Variants in SDK1 observed in about 807,000 individuals in gnomAD.
SDK1 encodes protein sidekick-1.
A neutral mutation model predicts 245.5 loss-of-function variants in SDK1; 157 were observed. That is an observed-to-expected ratio of 0.64 (90% CI 0.56 to 0.73). The LOEUF (loss-of-function observed/expected upper bound fraction) is 0.73. Ranked by LOEUF, SDK1 falls within the 30% of genes least tolerant of loss-of-function variation. The pLI is 0.00. For synonymous variants in SDK1, 1,647 were observed against 1,278.5 expected (o/e 1.29, Z -6.15); for missense variants, 3,583 against 3,002.3 (o/e 1.19, Z -4.52).
chr7:3,883,572 G>A (rs1053775956), intron 5 of SDK1, among the ~76,000 whole-genome samples: 6 of 152,160 alleles, frequency 3.9e-5, no homozygotes, highest in African/African-American at 1.4e-4. Flanking sequence ...AGAAGACTTT[G>A]AGCTTAAATA....
intron 2 of SDK1, among the ~76,000 whole-genome samples, chr7:3,634,966 G>A (rs751452218): frequency 2.0e-5 from 3 of 152,184 alleles, no homozygotes; most frequent in Non-Finnish European, 4.4e-5. Flanking sequence ...ATATGGTTAT[G>A]TTGCAGTGAT....
chr7:3,887,677 G>A (rs1781368136), intron 5 of SDK1, among the ~76,000 whole-genome samples: 1 of 152,164 alleles, frequency 6.6e-6, no homozygotes, highest in Admixed American at 6.5e-5. Context: ...TGAAGCAGAT[G>A]ATTATTCTCT....
At chr7:4,251,943 A>G (rs11984013) in intron 44 of SDK1, among the ~76,000 whole-genome samples, 6,222 of 152,166 alleles carry the variant, frequency 0.041, 417 homozygotes, top group African/African-American at 0.14. Flanking sequence ...GTCTGTCTGG[A>G]TGTTTTTTGT....
intron 4 of SDK1, among the ~76,000 whole-genome samples, chr7:3,649,855 A>T (rs1389140581): frequency 6.6e-6 from 1 of 152,062 alleles, no homozygotes; most frequent in Non-Finnish European, 1.5e-5. Flanking sequence ...GCCCCAGAGG[A>T]TGAGTGTTCT....
intron 5 of SDK1, among the ~76,000 whole-genome samples, chr7:3,924,211 G>T (rs1779691243): frequency 1.3e-5 from 2 of 152,046 alleles, no homozygotes; most frequent in Admixed American, 1.3e-4. Context: ...GTGGACTCCT[G>T]AGTATTTCTG....
At chr7:3,596,504 T>G (rs1022410051) in intron 1 of SDK1, among the ~76,000 whole-genome samples, 1 of 152,176 alleles carries the variant, frequency 6.6e-6, no homozygotes, top group African/African-American at 2.4e-5. Context: ...AGATGTTAAG[T>G]GCATAAGCCG....
chr7:4,248,710 ACACACG>A lies in SDK1; in HGVS notation c.6381+2916_6381+2921del, dbSNP rs550247001. ...CACACACATACATGCACACATGTAC[ACACACG>A]CACACGCACATACCCAAATATGTAC... On this transcript the variant is annotated intron_variant, in intron 44 of 44. Coordinates refer to ENST00000404826, the MANE Select transcript of SDK1 (RefSeq NM_152744.4). Among the ~76,000 whole-genome samples the A allele has an allele frequency of 3.2e-4, 49 of 152,282 alleles. No homozygotes were observed. The South Asian group carries it at 8.7e-3, about 27-fold the overall frequency.
chr7:3,415,523 T>C (rs1413513713), intron 1 of SDK1, among the ~76,000 whole-genome samples: 2 of 152,050 alleles, frequency 1.3e-5, no homozygotes, highest in Non-Finnish European at 2.9e-5. Flanking sequence ...TGATACCATT[T>C]ATGTAAGTTA....
Position 3,886,830 on chromosome 7 carries a change from C to T in SDK1, c.848-64093C>T, listed in dbSNP as rs575494623. 1.4e-4 allele frequency among the ~76,000 whole-genome samples: 22 copies of T among 152,264 alleles called. No homozygotes were observed. In the South Asian group the frequency reaches 4.6e-3, roughly 32 times the overall value. On this transcript the variant is annotated intron_variant, in intron 5 of 44. Transcript: ENST00000404826. ...ACTTGGGAGGCTAAGGCAAGAGGAT[C>T]ACTTGAGCCCAGGAGTTTGAGGTTG... is the stretch of plus-strand genomic sequence containing the variant.
intron 1 of SDK1, among the ~76,000 whole-genome samples, chr7:3,323,508 T>C (rs75902309): frequency 0.016 from 2,439 of 152,280 alleles, 63 homozygotes; most frequent in African/African-American, 0.049. Context: ...TCATGTTCAG[T>C]TCCTGTGGCT....
chr7:3,855,527 G>A (rs59450186), intron 5 of SDK1, among the ~76,000 whole-genome samples: 3,757 of 152,230 alleles, frequency 0.025, 154 homozygotes, highest in African/African-American at 0.086. Context: ...AATTCTCCTA[G>A]GATGTATCAA....
intron 44 of SDK1, among the ~76,000 whole-genome samples, chr7:4,255,887 A>G (rs551281463): frequency 7.7e-5 from 11 of 143,512 alleles, no homozygotes; most frequent in South Asian, 2.3e-4. Flanking sequence ...TCCATTTGCT[A>G]TCTACTCTGA....
At chr7:4,135,021 C>T (rs1778968425) in intron 28 of SDK1, among the ~76,000 whole-genome samples, 1 of 152,218 alleles carries the variant, frequency 6.6e-6, no homozygotes, top group African/African-American at 2.4e-5. Context: ...TCCTCACTGC[C>T]CCGCTCCCTG....
intron 32 of SDK1, among the ~76,000 whole-genome samples, chr7:4,166,190 G>A (rs1221684311): frequency 1.3e-5 from 2 of 152,226 alleles, no homozygotes; most frequent in East Asian, 3.9e-4. Context: ...TCCCAGAGGA[G>A]GGTTACATCT....
At chr7:3,730,998 C>T (rs991835280) in intron 4 of SDK1, among the ~76,000 whole-genome samples, 2 of 152,154 alleles carry the variant, frequency 1.3e-5, no homozygotes, top group Non-Finnish European at 2.9e-5. Context: ...TTCTAGCTTT[C>T]CATTGAGTGG....
At chr7:3,320,835 T>G (rs2128547103) in intron 1 of SDK1, among the ~76,000 whole-genome samples, 1 of 152,206 alleles carries the variant, frequency 6.6e-6, no homozygotes, top group East Asian at 1.9e-4. Flanking sequence ...TGTTTAACAA[T>G]TTTGGTATGT....
intron 4 of SDK1, among the ~76,000 whole-genome samples, chr7:3,654,142 C>G (rs539124457): frequency 3.2e-4 from 49 of 152,138 alleles, no homozygotes; most frequent in Non-Finnish European, 6.2e-4. Context: ...ATGGGCAGCC[C>G]CTGTGCCCCA....
At chr7:3,798,464 A>G (rs1316288788) in intron 4 of SDK1, among the ~76,000 whole-genome samples, 5 of 151,892 alleles carry the variant, frequency 3.3e-5, no homozygotes, top group South Asian at 2.1e-4. Context: ...TGATCCACCC[A>G]CCTTGGCCTC....
At chr7:3,604,909 T>G (rs1172030493) in intron 1 of SDK1, among the ~76,000 whole-genome samples, 1 of 152,076 alleles carries the variant, frequency 6.6e-6, no homozygotes, top group Non-Finnish European at 1.5e-5. Flanking sequence ...GCCCCAAACA[T>G]TTTTTCTCTG....
Sources: gnomAD v4.1 joint callset for allele counts (sites outside exome capture counted in the v4.1 genomes callset) on GRCh38, gnomAD v4.1.1 for gene constraint, MANE v1.5 for transcripts, NCBI Gene and HGNC (gene_info 2026-07-23, HGNC 2026-07-21) for gene names.